The following C9 variants were observed in gnomAD, a reference collection of about 807,000 sequenced individuals.
The protein encoded by C9 is complement C9.
Under a neutral mutation model 65.4 loss-of-function variants are expected in C9, and 63 were observed. The observed-to-expected ratio is 0.96, with a 90% CI of 0.79 to 1.19. The LOEUF (loss-of-function observed/expected upper bound fraction) is 1.19. Among genes scored for constraint, C9 ranks in the 50% most tolerant of loss-of-function variants. The probability of loss-of-function intolerance (pLI) is 0.00; values close to 1 mark genes in which losing one functional copy is unlikely to be tolerated. For synonymous variants in C9, 229 were observed against 227.9 expected (o/e 1.00, Z -0.04); for missense variants, 744 against 670.1 (o/e 1.11, Z -1.22).
At chr5:39,350,836 A>G (rs1754309203) in intron 1 of C9, among the ~76,000 whole-genome samples, 1 of 152,074 alleles carries the variant, frequency 6.6e-6, no homozygotes, top group Non-Finnish European at 1.5e-5. Flanking sequence ...GGATCTACCA[A>G]TCTGGGGTCT....
intron 1 of C9, among the ~76,000 whole-genome samples, chr5:39,346,447 T>A (rs1754196507): frequency 6.6e-6 from 1 of 152,136 alleles, no homozygotes; most frequent in Admixed American, 6.5e-5. Flanking sequence ...CTTGGACACA[T>A]ACACTCTCCC....
chr5:39,345,096 G>A (rs1268042020), intron 1 of C9, among the ~76,000 whole-genome samples: 1 of 151,962 alleles, frequency 6.6e-6, no homozygotes, highest in African/African-American at 2.4e-5. Flanking sequence ...ATCAATGCCA[G>A]GAAGAAACTG....
At chr5:39,319,537 G>C (rs781378264) in intron 5 of C9, among the ~76,000 whole-genome samples, 1 of 152,144 alleles carries the variant, frequency 6.6e-6, no homozygotes, top group East Asian at 1.9e-4. Context: ...GTACACCTCA[G>C]CTTCAGGCCA....
chr5:39,292,268 A>G (rs1753109325), intron 9 of C9, among the ~76,000 whole-genome samples: 1 of 151,826 alleles, frequency 6.6e-6, no homozygotes, highest in East Asian at 1.9e-4. Context: ...GTTACAGCAT[A>G]CTGCTTATTT....
At chr5:39,357,887 T>G (rs562402671) in intron 1 of C9, among the ~76,000 whole-genome samples, 1 of 152,294 alleles carries the variant, frequency 6.6e-6, no homozygotes, top group South Asian at 2.1e-4. Context: ...CCATGCAAAT[T>G]CTGCTGGTTT....
At chr5:39,321,593 T>G (rs562253719) in intron 5 of C9, among the ~76,000 whole-genome samples, 4 of 152,020 alleles carry the variant, frequency 2.6e-5, no homozygotes, top group African/African-American at 9.7e-5. Flanking sequence ...TTATCTTAAA[T>G]GTACTCAATC....
intron 4 of C9, among the ~76,000 whole-genome samples, chr5:39,334,675 C>G (rs56345442): frequency 0.38 from 57,607 of 149,802 alleles, 12,007 homozygotes; most frequent in Middle Eastern, 0.54. Flanking sequence ...CGGCCAGCCG[C>G]CCAGTCCGGG....
intron 4 of C9, among the ~76,000 whole-genome samples, chr5:39,332,954 A>G (rs1753871665): frequency 6.6e-6 from 1 of 152,218 alleles, no homozygotes; most frequent in Non-Finnish European, 1.5e-5. Context: ...TTCAACTTTA[A>G]TGGAAGGCAA....
intron 5 of C9, among the ~76,000 whole-genome samples, chr5:39,325,771 C>CAAAA (rs34079563): frequency 1.3e-4 from 12 of 92,412 alleles, no homozygotes; most frequent in Non-Finnish European, 2.1e-4. Context: ...GACTCCATCT[C>CAAAA]AAAAAAAAAA....
At chr5:39,294,026 A>G (rs1212881358) in intron 9 of C9, among the ~76,000 whole-genome samples, 1 of 151,880 alleles carries the variant, frequency 6.6e-6, no homozygotes, top group African/African-American at 2.4e-5. Context: ...TAGAAACAGA[A>G]CATACCAAAA....
chr5:39,306,530 G>T, intron 9 of C9, 87 bp downstream of exon 9: 1 of 1,071,954 alleles, frequency 9.3e-7, no homozygotes, highest in Non-Finnish European at 1.4e-6. Context: ...GTCTCTTTCA[G>T]ATGAAGCTAA....
intron 6 of C9, 131 bp downstream of exon 6, chr5:39,315,644 T>C: frequency 2.9e-6 from 2 of 688,428 alleles, no homozygotes; most frequent in East Asian, 5.5e-5. Flanking sequence ...CTTTCTGACG[T>C]GCTAGCTACA....
At chr5:39,342,345 G>T (rs564283835) in intron 1 of C9, 149 bp from the exon 2 acceptor site, 7 of 596,122 alleles carry the variant, frequency 1.2e-5, no homozygotes, top group Admixed American at 2.7e-5. Flanking sequence ...ACCCTCAATT[G>T]CATGCTGTTT....
intron 6 of C9, among the ~76,000 whole-genome samples, chr5:39,312,030 G>A (rs155373): frequency 0.41 from 62,164 of 151,878 alleles, 13,467 homozygotes; most frequent in East Asian, 0.64. Context: ...CCTCTTAGGT[G>A]GTAGGGAACG....
intron 6 of C9, 125 bp from the exon 7 acceptor site, chr5:39,311,502 T>C (rs371247786): frequency 2.4e-6 from 2 of 838,530 alleles, no homozygotes; most frequent in East Asian, 2.5e-5. Context: ...GATACCACTC[T>C]AATCCACCAG....
rs145819975 is a variant in C9, at chr5:39,341,580, C to T, written c.304G>A (p.Gly102Arg). 78 of 1,613,902 alleles carry T rather than the reference C, an allele frequency of 4.8e-5. No individual in the cohort carries two copies. Among genetic ancestry groups the T allele is most frequent in the African/African-American group, 2.5e-4 (19 of 74,890 alleles). The change falls in exon 3 of 11, where the codon GGA becomes AGA. Residue 102 changes from glycine to arginine, a missense_variant. Coordinates refer to ENST00000263408, the MANE Select transcript of C9 (RefSeq NM_001737.5). ...CCTGTACTGCATTGAAAGTCATTTC[C>T]GCAGTCATCCTCAGCATCCTCACAG... ...EPCEDAEDDC[G>R]NDFQCSTGRC...
intron 10 of C9, among the ~76,000 whole-genome samples, chr5:39,287,695 T>C (rs1753016103): frequency 6.6e-6 from 1 of 151,926 alleles, no homozygotes; most frequent in Non-Finnish European, 1.5e-5. Flanking sequence ...GAGCTGGAGG[T>C]CATTATCCTA....
rs568560527 is a variant in C9, at chr5:39,335,966, A to T, written c.477-4152T>A. ...TTGTCTCCGCTATAAAGGAATTTTG[A>T]TAAATTATACTTTCCTGCACATTTT... On this transcript the variant is annotated intron_variant, in intron 4 of 10. Coordinates refer to ENST00000263408, the MANE Select transcript of C9 (RefSeq NM_001737.5). Among the ~76,000 whole-genome samples, 60 of 152,310 alleles carry T rather than the reference A, an allele frequency of 3.9e-4. No individual in the cohort carries two copies. The Middle Eastern group carries it at 0.017, about 43-fold the overall frequency.
intron 9 of C9, among the ~76,000 whole-genome samples, chr5:39,293,199 G>A (rs1753127392): frequency 6.6e-6 from 1 of 151,872 alleles, no homozygotes; most frequent in Admixed American, 6.6e-5. Flanking sequence ...ACAGGAATAA[G>A]TCCTCACCTA....
Sources: gnomAD v4.1 joint callset for allele counts (sites outside exome capture counted in the v4.1 genomes callset) on GRCh38, gnomAD v4.1.1 for gene constraint, MANE v1.5 for transcripts, NCBI Gene and HGNC (gene_info 2026-07-23, HGNC 2026-07-21) for gene names.